The following SSBP2 variants were observed in gnomAD, a reference collection of about 807,000 sequenced individuals.
SSBP2 encodes the protein single stranded DNA binding protein 2, also known as single-stranded DNA-binding protein 2.
Under a neutral mutation model 61.8 loss-of-function variants are expected in SSBP2, and 17 were observed. The ratio of observed to expected loss-of-function variants is 0.28; its 90% CI spans 0.19 to 0.41. The LOEUF (loss-of-function observed/expected upper bound fraction) is 0.41. Ranked by LOEUF, SSBP2 falls within the 10% of genes least tolerant of loss-of-function variation. SSBP2 has a pLI of 1.00. For missense variants in SSBP2, 310 were observed against 458.7 expected, an observed-to-expected ratio of 0.68 and a Z score of 2.96; for synonymous variants, 139 against 141.3, an observed-to-expected ratio of 0.98 and a Z score of 0.12.
At chr5:81,643,587 T>C (rs1748985308) in intron 2 of SSBP2, among the ~76,000 whole-genome samples, 1 of 145,842 alleles carries the variant, frequency 6.9e-6, no homozygotes, top group South Asian at 2.1e-4. Context: ...AGTAAACATT[T>C]TTCCTTTCTT....
chr5:81,606,038 C>T (rs1316271889), intron 4 of SSBP2, among the ~76,000 whole-genome samples: 1 of 152,128 alleles, frequency 6.6e-6, no homozygotes, highest in Non-Finnish European at 1.5e-5. Flanking sequence ...TGGAAATGAG[C>T]ATCTCTCAGA....
rs1425229363 is a variant in SSBP2 at position 81,470,808 on chromosome 5, AG to A, written c.570+2891del. On this transcript the variant is annotated intron_variant, in intron 8 of 16. Transcript: ENST00000320672. ...TGTATGATTAAATGTCTGTTATGAG[AG>A]TTGTTTTTCCATTATCTCTCAAGAA... is the stretch of plus-strand genomic sequence containing the variant. Among the ~76,000 whole-genome samples the A allele has an allele frequency of 5.9e-5, 9 of 151,996 alleles. No homozygotes were observed. In the East Asian group the frequency reaches 1.7e-3, roughly 29 times the overall value.
chr5:81,611,635 G>C (rs1403375876), intron 4 of SSBP2, among the ~76,000 whole-genome samples: 1 of 152,058 alleles, frequency 6.6e-6, no homozygotes, highest in East Asian at 1.9e-4. Context: ...CATGAAAATA[G>C]TAAGGAATAA....
chr5:81,640,129 C>G (rs1427544569), intron 2 of SSBP2, among the ~76,000 whole-genome samples: 1 of 152,160 alleles, frequency 6.6e-6, no homozygotes, highest in Non-Finnish European at 1.5e-5. Flanking sequence ...GCAGGTGGAT[C>G]ACCTGAGGTC....
chr5:81,522,172 C>T (rs1769542131), intron 4 of SSBP2, among the ~76,000 whole-genome samples: 1 of 151,926 alleles, frequency 6.6e-6, no homozygotes, highest in Non-Finnish European at 1.5e-5. Flanking sequence ...AATTGCAGTA[C>T]ATCTAAATTA....
intron 10 of SSBP2, among the ~76,000 whole-genome samples, chr5:81,451,674 G>A (rs1246796587): frequency 5.9e-5 from 9 of 152,182 alleles, no homozygotes; most frequent in Admixed American, 2.0e-4. Context: ...TGATCCACCC[G>A]CCTTGGCCTC....
chr5:81,617,638 GAC>G (rs1280436416), intron 3 of SSBP2, among the ~76,000 whole-genome samples: 1 of 49,986 alleles, frequency 2.0e-5, no homozygotes, highest in East Asian at 5.5e-4. Flanking sequence ...GCAACTCCAA[GAC>G]ACATAATTGT....
chr5:81,483,118 G>A (rs1458357511), intron 6 of SSBP2, among the ~76,000 whole-genome samples: 1 of 152,080 alleles, frequency 6.6e-6, no homozygotes, highest in Non-Finnish European at 1.5e-5. Context: ...GGCACGGTTT[G>A]TGGCAACCCA....
At chr5:81,595,376 G>A (rs1412765403) in intron 4 of SSBP2, among the ~76,000 whole-genome samples, 1 of 152,066 alleles carries the variant, frequency 6.6e-6, no homozygotes, top group Non-Finnish European at 1.5e-5. Context: ...AAAACTCCAG[G>A]ACCAGATGGA....
chr5:81,748,981 CTAAAATT>C (rs1757529858), intron 1 of SSBP2, among the ~76,000 whole-genome samples: 1 of 152,108 alleles, frequency 6.6e-6, no homozygotes, highest in African/African-American at 2.4e-5. Context: ...CACCTAAAAT[CTAAAATT>C]ACTTTGATTC....
chr5:81,742,644 G>A (rs1184191395), intron 1 of SSBP2, among the ~76,000 whole-genome samples: 1 of 152,180 alleles, frequency 6.6e-6, no homozygotes, highest in Non-Finnish European at 1.5e-5. Context: ...GGGAGGCTGA[G>A]GCAGGTGGAT....
intron 1 of SSBP2, among the ~76,000 whole-genome samples, chr5:81,699,986 C>A (rs1451732595): frequency 1.3e-5 from 2 of 151,688 alleles, no homozygotes; most frequent in Non-Finnish European, 2.9e-5. Context: ...TGGCTACAGG[C>A]ACCTGCCACC....
chr5:81,574,000 G>A (rs1185579053), intron 4 of SSBP2, among the ~76,000 whole-genome samples: 2 of 152,024 alleles, frequency 1.3e-5, no homozygotes, highest in Admixed American at 6.6e-5. Context: ...AATTAGCCAG[G>A]CGTGGTGGTG....
intron 6 of SSBP2, among the ~76,000 whole-genome samples, chr5:81,487,485 G>A (rs960313083): frequency 6.6e-6 from 1 of 151,936 alleles, no homozygotes; most frequent in Non-Finnish European, 1.5e-5. Context: ...TGCCTAACCT[G>A]CCATTATAAT....
At chr5:81,584,997 A>G (rs925289953) in intron 4 of SSBP2, among the ~76,000 whole-genome samples, 1 of 152,172 alleles carries the variant, frequency 6.6e-6, no homozygotes, top group Non-Finnish European at 1.5e-5. Flanking sequence ...AGAGAAATAC[A>G]TAATAGTCAT....
chr5:81,559,411 T>C (rs1176771960), intron 4 of SSBP2, among the ~76,000 whole-genome samples: 3 of 146,458 alleles, frequency 2.0e-5, no homozygotes, highest in Admixed American at 6.8e-5. Context: ...AAAAATTAGC[T>C]GGGCATGGTG....
intron 1 of SSBP2, among the ~76,000 whole-genome samples, chr5:81,661,588 T>C (rs921456863): frequency 1.3e-5 from 2 of 152,170 alleles, no homozygotes; most frequent in African/African-American, 4.8e-5. Context: ...TTTGCATTTC[T>C]CTGATAATTA....
intron 1 of SSBP2, among the ~76,000 whole-genome samples, chr5:81,692,647 A>G (rs373460948): frequency 5.9e-5 from 9 of 152,354 alleles, no homozygotes; most frequent in East Asian, 1.9e-4. Flanking sequence ...TGGTACTGGC[A>G]TAAAAACAGA....
At chr5:81,726,538 A>C (rs1384575452) in intron 1 of SSBP2, among the ~76,000 whole-genome samples, 1 of 152,246 alleles carries the variant, frequency 6.6e-6, no homozygotes, top group Non-Finnish European at 1.5e-5. Context: ...TAAAACCTGC[A>C]TACTATTACC....
Sources: allele counts gnomAD v4.1 joint callset (sites outside exome capture counted in the v4.1 genomes callset), GRCh38; gene constraint gnomAD v4.1.1; transcripts MANE v1.5; gene names NCBI Gene and HGNC (gene_info 2026-07-23, HGNC 2026-07-21).